OSBPL10: variants seen among roughly 807,000 people sequenced by gnomAD.
The protein encoded by OSBPL10 is oxysterol-binding protein-related protein 10.
OSBPL10 carries 49 observed loss-of-function variants against 81.7 expected under a neutral mutation model. The ratio of observed to expected loss-of-function variants is 0.60; its 90% CI spans 0.48 to 0.76. The LOEUF is 0.76. Among genes scored for constraint, OSBPL10 ranks in the 30% least tolerant of loss-of-function variants. OSBPL10 has a pLI of 0.00. For synonymous variants in OSBPL10, 419 were observed against 383.6 expected, an observed-to-expected ratio of 1.09 and a Z score of -1.08; for missense variants, 923 against 987.8, an observed-to-expected ratio of 0.93 and a Z score of 0.88.
At chr3:31,845,914 A>C (rs958906507) in intron 3 of OSBPL10, among the ~76,000 whole-genome samples, 2 of 152,244 alleles carry the variant, frequency 1.3e-5, no homozygotes, top group African/African-American at 4.8e-5. Flanking sequence ...GGAATCCCGC[A>C]CAACTGTGGT....
At chr3:31,813,250 CT>C (rs1008192893) in intron 4 of OSBPL10, among the ~76,000 whole-genome samples, 6 of 152,200 alleles carry the variant, frequency 3.9e-5, no homozygotes, top group African/African-American at 1.4e-4. Context: ...ACCAAAGCAT[CT>C]TTGAGTTGAC....
intron 4 of OSBPL10, among the ~76,000 whole-genome samples, chr3:31,812,631 T>G (rs1417620326): frequency 6.6e-6 from 1 of 151,468 alleles, no homozygotes; most frequent in African/African-American, 2.4e-5. Context: ...GTGAGAAATC[T>G]TCACCACACC....
At chr3:31,833,737 ACT>A (rs1553631718) in intron 3 of OSBPL10, among the ~76,000 whole-genome samples, 116 of 139,952 alleles carry the variant, frequency 8.3e-4, no homozygotes, top group African/African-American at 2.2e-3. Flanking sequence ...ACACACACAC[ACT>A]CTCTCTCTCT....
At chr3:31,817,342 GA>G (rs1275559025) in intron 4 of OSBPL10, among the ~76,000 whole-genome samples, 1 of 152,198 alleles carries the variant, frequency 6.6e-6, no homozygotes, top group Non-Finnish European at 1.5e-5. Flanking sequence ...GGCACTGGGA[GA>G]GGAGAGAGGC....
chr3:31,906,758 T>A (rs1266501740), intron 1 of OSBPL10: 1 of 152,126 alleles, frequency 6.6e-6, no homozygotes, highest in Non-Finnish European at 1.5e-5. Context: ...GGACCACTAG[T>A]GGATTGGATT....
chr3:31,914,773 A>T (rs1203005646), intron 1 of OSBPL10, among the ~76,000 whole-genome samples: 1 of 152,188 alleles, frequency 6.6e-6, no homozygotes, highest in Non-Finnish European at 1.5e-5. Context: ...ATAAAATAAA[A>T]AATTCAATCC....
chr3:31,757,124 A>G (rs962472814), intron 4 of OSBPL10, among the ~76,000 whole-genome samples: 1 of 152,214 alleles, frequency 6.6e-6, no homozygotes, highest in Non-Finnish European at 1.5e-5. Context: ...TAAATAAAAT[A>G]GGGGGAAAAT....
At chr3:32,056,490 C>T (rs577577456) in intron 1 of OSBPL10, among the ~76,000 whole-genome samples, 1 of 152,312 alleles carries the variant, frequency 6.6e-6, no homozygotes, top group Admixed American at 6.5e-5. Flanking sequence ...TGTAGGAATG[C>T]AGGATAAGCT....
chr3:31,961,646 G>C (rs1047832899), intron 1 of OSBPL10, among the ~76,000 whole-genome samples: 4 of 151,982 alleles, frequency 2.6e-5, no homozygotes, highest in Non-Finnish European at 5.9e-5. Flanking sequence ...TATTTCCTAG[G>C]CTGGAGTGCA....
intron 4 of OSBPL10, among the ~76,000 whole-genome samples, chr3:31,798,792 G>A (rs1299192093): frequency 6.6e-6 from 1 of 152,112 alleles, no homozygotes; most frequent in Non-Finnish European, 1.5e-5. Flanking sequence ...TTCAAGTCCT[G>A]TATACAAAGA....
At chr3:31,856,466 A>G (rs1167274794) in intron 3 of OSBPL10, among the ~76,000 whole-genome samples, 14 of 152,208 alleles carry the variant, frequency 9.2e-5, no homozygotes, top group Non-Finnish European at 8.8e-5. Flanking sequence ...CAGAAATAAG[A>G]AGACAGAGCC....
chr3:31,680,622 T>A (rs539875470), intron 8 of OSBPL10, among the ~76,000 whole-genome samples: 1 of 152,240 alleles, frequency 6.6e-6, no homozygotes, highest in East Asian at 1.9e-4. Context: ...GGAAATAAAC[T>A]TGTATAGGGA....
intron 1 of OSBPL10, among the ~76,000 whole-genome samples, chr3:31,918,134 A>G (rs1246278961): frequency 6.6e-6 from 1 of 152,214 alleles, no homozygotes; most frequent in Non-Finnish European, 1.5e-5. Context: ...TACTATAAAT[A>G]TCATTCCAAA....
intron 2 of OSBPL10, among the ~76,000 whole-genome samples, chr3:32,033,897 C>A (rs1005184183): frequency 6.6e-6 from 1 of 152,270 alleles, no homozygotes; most frequent in East Asian, 1.9e-4. Flanking sequence ...GATATTAGTC[C>A]ATTCTCACAC....
At chr3:31,663,964 CCCTTCCCCTG>C in intron 11 of OSBPL10, 105 bp downstream of exon 11, 1 of 1,609,316 alleles carries the variant, frequency 6.2e-7, no homozygotes, top group Non-Finnish European at 8.5e-7. Flanking sequence ...CCTAGTCCAT[CCCTTCCCCTG>C]CCTGGTATTT....
chr3:31,998,332 G>C (rs756130954), intron 2 of OSBPL10, among the ~76,000 whole-genome samples: 1 of 152,086 alleles, frequency 6.6e-6, no homozygotes, highest in Non-Finnish European at 1.5e-5. Flanking sequence ...CACCACTGGC[G>C]ACTCACCCTT....
At chr3:31,812,572 T>C (rs2125480587) in intron 4 of OSBPL10, among the ~76,000 whole-genome samples, 1 of 152,132 alleles carries the variant, frequency 6.6e-6, no homozygotes, top group South Asian at 2.1e-4. Context: ...TGAACCCAAA[T>C]GTTAGGAAAT....
chr3:31,947,782 G>C (rs1032569092), intron 1 of OSBPL10, among the ~76,000 whole-genome samples: 2 of 152,088 alleles, frequency 1.3e-5, no homozygotes, highest in African/African-American at 4.8e-5. Context: ...CCTGGAGGCA[G>C]AGCCTGATGT....
chr3:31,730,527 T>C (rs1286703453), intron 6 of OSBPL10, among the ~76,000 whole-genome samples: 3 of 152,196 alleles, frequency 2.0e-5, no homozygotes, highest in South Asian at 2.1e-4. Flanking sequence ...GTTTTACTAA[T>C]AGGTAAAACC....
Sources: gnomAD v4.1 joint callset for allele counts (sites outside exome capture counted in the v4.1 genomes callset) on GRCh38, gnomAD v4.1.1 for gene constraint, MANE v1.5 for transcripts, NCBI Gene and HGNC (gene_info 2026-07-23, HGNC 2026-07-21) for gene names.